NFIB: variants seen among roughly 807,000 people sequenced by gnomAD.
NFIB encodes nuclear factor I B, also known as nuclear factor 1 B-type.
NFIB carries 11 observed loss-of-function variants against 61.5 expected under a neutral mutation model. The ratio of observed to expected loss-of-function variants is 0.18; its 90% CI spans 0.11 to 0.30. The LOEUF (loss-of-function observed/expected upper bound fraction) is 0.30, where lower values mean the gene tolerates loss of function less well. Ranked by LOEUF, NFIB falls within the 10% of genes least tolerant of loss-of-function variation. The probability of loss-of-function intolerance (pLI) is 1.00; values close to 1 mark genes in which losing one functional copy is unlikely to be tolerated. For missense variants in NFIB, 471 were observed against 608.9 expected, an observed-to-expected ratio of 0.77 and a Z score of 2.38; for synonymous variants, 260 against 216.5, an observed-to-expected ratio of 1.20 and a Z score of -1.76.
intron 1 of NFIB, chr9:14,362,970 GC>G (rs2132948745): frequency 6.6e-6 from 1 of 152,170 alleles, no homozygotes; most frequent in South Asian, 2.1e-4. Context: ...AGCTAATGAA[GC>G]TTAGCTTAAG....
intron 2 of NFIB, among the ~76,000 whole-genome samples, chr9:14,256,375 C>G (rs1289797229): frequency 6.6e-6 from 1 of 151,982 alleles, no homozygotes; most frequent in East Asian, 1.9e-4. Context: ...AAATAATTTT[C>G]CAAAAACTTT....
At chr9:14,397,161 G>T (rs1449610210) in intron 1 of NFIB, among the ~76,000 whole-genome samples, 2 of 152,144 alleles carry the variant, frequency 1.3e-5, no homozygotes, top group Non-Finnish European at 2.9e-5. Flanking sequence ...ATGGGCAATA[G>T]TGGAAATATG....
chr9:14,478,854 G>A, the NFIB span, among the ~76,000 whole-genome samples: 1 of 152,168 alleles, frequency 6.6e-6, no homozygotes, highest in Non-Finnish European at 1.5e-5. Flanking sequence ...TTATGGTCAA[G>A]ACATAAGCAT....
chr9:14,298,615 G>A lies in NFIB; in HGVS notation c.562+8374C>T, dbSNP rs550884040. Among the ~76,000 whole-genome samples the A allele has an allele frequency of 4.6e-5, 7 of 152,240 alleles. No homozygotes were observed. In the South Asian group the frequency reaches 1.4e-3, roughly 32 times the overall value. On this transcript the variant is annotated intron_variant, in intron 2 of 10. Coordinates refer to ENST00000380953, the MANE Select transcript of NFIB (RefSeq NM_001190737.2). ...AAAGTCACTTCTACAGCCAGACCAT[G>A]TCAAACAGAAGACGTAGCTACTGCA... is the stretch of plus-strand genomic sequence containing the variant.
intron 2 of NFIB, among the ~76,000 whole-genome samples, chr9:14,293,486 T>A (rs2059232289): frequency 6.6e-6 from 1 of 152,206 alleles, no homozygotes; most frequent in Non-Finnish European, 1.5e-5. Flanking sequence ...AAGCCCATGG[T>A]GAGGAGGAAA....
the NFIB span, among the ~76,000 whole-genome samples, chr9:14,432,269 C>G: frequency 6.6e-6 from 1 of 152,144 alleles, no homozygotes; most frequent in Non-Finnish European, 1.5e-5. Context: ...TGTTTCTTGC[C>G]ATGTAGAAGT....
chr9:14,337,216 C>T (rs1161371903), intron 1 of NFIB, among the ~76,000 whole-genome samples: 1 of 152,130 alleles, frequency 6.6e-6, no homozygotes, highest in Non-Finnish European at 1.5e-5. Flanking sequence ...GTAGAATAGT[C>T]CATAAATGCT....
intron 2 of NFIB, among the ~76,000 whole-genome samples, chr9:14,248,292 CCCTCT>C (rs907282329): frequency 1.3e-5 from 2 of 151,398 alleles, no homozygotes; most frequent in African/African-American, 4.8e-5. Flanking sequence ...CCCTGCCCTC[CCCTCT>C]CCTCCACTCC....
the NFIB span, among the ~76,000 whole-genome samples, chr9:14,531,651 C>T: frequency 2.0e-5 from 3 of 151,156 alleles, no homozygotes; most frequent in South Asian, 2.1e-4. Flanking sequence ...TCACAGCAGC[C>T]GGCCTGGGAC....
intron 2 of NFIB, among the ~76,000 whole-genome samples, chr9:14,282,808 C>G (rs2058461886): frequency 6.6e-6 from 1 of 152,196 alleles, no homozygotes; most frequent in Admixed American, 6.5e-5. Context: ...GGGCTTCAGA[C>G]CTGAACACCT....
At chr9:14,495,902 C>G in the NFIB span, among the ~76,000 whole-genome samples, 1 of 152,200 alleles carries the variant, frequency 6.6e-6, no homozygotes, top group Non-Finnish European at 1.5e-5. Context: ...GTTCTAGGAT[C>G]AACTATCTAA....
At chr9:14,156,547 C>G (rs2043428473) in intron 3 of NFIB, among the ~76,000 whole-genome samples, 2 of 152,158 alleles carry the variant, frequency 1.3e-5, no homozygotes, top group African/African-American at 4.8e-5. Context: ...AAGAATTAGA[C>G]AACTTTTCTG....
chr9:14,387,246 T>C (rs2061560030), intron 1 of NFIB, among the ~76,000 whole-genome samples: 1 of 152,220 alleles, frequency 6.6e-6, no homozygotes, highest in African/African-American at 2.4e-5. Flanking sequence ...CTGTGAAATC[T>C]TGGGTTCAGA....
chr9:14,229,173 T>C (rs1242786221), intron 2 of NFIB, among the ~76,000 whole-genome samples: 1 of 152,224 alleles, frequency 6.6e-6, no homozygotes, highest in East Asian at 1.9e-4. Context: ...CAACTTACTA[T>C]TGATTCGTGC....
intron 2 of NFIB, among the ~76,000 whole-genome samples, chr9:14,271,024 C>A (rs1418129571): frequency 2.6e-5 from 4 of 152,124 alleles, no homozygotes; most frequent in South Asian, 4.2e-4. Context: ...TCCTCCACCC[C>A]CATCCCCATT....
At chr9:14,425,881 C>G in the NFIB span, among the ~76,000 whole-genome samples, 1 of 152,218 alleles carries the variant, frequency 6.6e-6, no homozygotes, top group African/African-American at 2.4e-5. Context: ...GGCTCTGCAC[C>G]TCAGTAGATG....
intron 3 of NFIB, among the ~76,000 whole-genome samples, chr9:14,171,568 A>C (rs2045566356): frequency 6.6e-6 from 1 of 152,194 alleles, no homozygotes; most frequent in African/African-American, 2.4e-5. Context: ...TTCAAAGTAG[A>C]ATATGAATGA....
At chr9:14,259,409 T>C (rs1197455262) in intron 2 of NFIB, among the ~76,000 whole-genome samples, 1 of 152,196 alleles carries the variant, frequency 6.6e-6, no homozygotes, top group Non-Finnish European at 1.5e-5. Context: ...CATATCAAAA[T>C]GGTCTAAGTT....
chr9:14,158,012 G>A (rs917822500), intron 3 of NFIB, among the ~76,000 whole-genome samples: 14 of 151,046 alleles, frequency 9.3e-5, no homozygotes, highest in African/African-American at 2.7e-4. Flanking sequence ...TCGGGAGGCC[G>A]AGGCAGGAGA....
Sources: allele counts gnomAD v4.1 joint callset (sites outside exome capture counted in the v4.1 genomes callset), GRCh38; gene constraint gnomAD v4.1.1; transcripts MANE v1.5; gene names NCBI Gene and HGNC (gene_info 2026-07-23, HGNC 2026-07-21).